Variants in GNAL observed in about 807,000 individuals in gnomAD.
The protein encoded by GNAL is guanine nucleotide-binding protein G(olf) subunit alpha.
Under a neutral mutation model 55.1 loss-of-function variants are expected in GNAL, and 18 were observed. That is an observed-to-expected ratio of 0.33 (90% CI 0.23 to 0.48). The LOEUF is 0.48. Ranked by LOEUF, GNAL falls within the 20% of genes least tolerant of loss-of-function variation. The pLI is 0.99. For missense variants in GNAL, 412 were observed against 614.1 expected (o/e 0.67, Z 3.48); for synonymous variants, 253 against 237.0 (o/e 1.07, Z -0.62).
intron 1 of GNAL, among the ~76,000 whole-genome samples, chr18:11,748,594 T>G (rs1211905242): frequency 2.6e-5 from 4 of 152,220 alleles, no homozygotes; most frequent in Non-Finnish European, 1.5e-5. Flanking sequence ...TAACACTGAT[T>G]GCTAAATCTG....
chr18:11,791,607 AAC>A (rs1258594430), intron 4 of GNAL, among the ~76,000 whole-genome samples: 4 of 152,220 alleles, frequency 2.6e-5, no homozygotes, highest in East Asian at 3.8e-4. Flanking sequence ...TCAGATAGTA[AAC>A]ACACACAAAA....
At chr18:11,700,568 A>G (rs571230409) in intron 1 of GNAL, among the ~76,000 whole-genome samples, 2 of 152,350 alleles carry the variant, frequency 1.3e-5, no homozygotes, top group South Asian at 4.1e-4. Context: ...AAAATCTTCA[A>G]GGGTTAGACA....
chr18:11,752,621 C>T lies in GNAL; in HGVS notation c.377-232C>T. ...GCGGCGGCTCCCGGCCCCAGCGGAG[C>T]GCACAGCCAGGAGCGGCGAGCGCCA... On this transcript the variant is annotated intron_variant, in intron 1 of 11. Coordinates refer to ENST00000334049, the MANE Select transcript of GNAL (RefSeq NM_182978.4). The surrounding 1 kb of genome is among the most constrained non-coding windows in gnomAD (Gnocchi z 4.5). 2 of 1,544,964 alleles carry T rather than the reference C, an allele frequency of 1.3e-6. No homozygotes were observed. Among genetic ancestry groups the T allele is most frequent in the Non-Finnish European group, 8.7e-7 (1 of 1,154,488 alleles).
chr18:11,740,218 C>T (rs928518171), intron 1 of GNAL, among the ~76,000 whole-genome samples: 1 of 152,058 alleles, frequency 6.6e-6, no homozygotes, highest in African/African-American at 2.4e-5. Flanking sequence ...CAAATGAGAG[C>T]CCCTTCAATC....
chr18:11,774,445 C>T lies in GNAL; in HGVS notation c.624+20500C>T, dbSNP rs941132742. 2.0e-5 allele frequency among the ~76,000 whole-genome samples: 3 copies of T among 152,186 alleles called. No individual in the cohort carries two copies. The East Asian group carries it at 5.8e-4, about 29-fold the overall frequency. On this transcript the variant is annotated intron_variant, in intron 4 of 11. Transcript: ENST00000334049. ...TGCATGAGCGCCCATCTAAAAGAGC[C>T]ACCTACGCCTTGGTTTTCCTCTTTT...
intron 11 of GNAL, among the ~76,000 whole-genome samples, 159 bp from the exon 12 acceptor site, chr18:11,880,830 G>A (rs931725931): frequency 2.4e-4 from 37 of 152,082 alleles, no homozygotes; most frequent in Admixed American, 1.3e-3. Context: ...GTCCTCGGCC[G>A]ATGCTTGCAT....
intron 4 of GNAL, among the ~76,000 whole-genome samples, chr18:11,781,970 A>C (rs2033933656): frequency 6.6e-6 from 1 of 152,244 alleles, no homozygotes. Context: ...ATGGCCACTA[A>C]CAAGACAATG....
At chr18:11,762,080 GCCTGACAGC>G (rs948726802) in intron 4 of GNAL, among the ~76,000 whole-genome samples, 3 of 152,194 alleles carry the variant, frequency 2.0e-5, no homozygotes, top group African/African-American at 7.2e-5. Context: ...GGACCATTTG[GCCTGACAGC>G]CCCAGCTGAG....
At chr18:11,791,729 C>CT in intron 4 of GNAL, among the ~76,000 whole-genome samples, 1 of 152,294 alleles carries the variant, frequency 6.6e-6, no homozygotes, top group South Asian at 2.1e-4. Flanking sequence ...AGACAGATAT[C>CT]TATCAAGTTT....
At chr18:11,851,411 A>G in intron 5 of GNAL, 1 of 1,368,532 alleles carries the variant, frequency 7.3e-7, no homozygotes, top group Non-Finnish European at 9.6e-7. Context: ...AGGAAGTGGG[A>G]CCAAAACAAA....
Position 11,872,082 on chromosome 18 carries a change from A to G in GNAL, c.1032-186A>G, listed in dbSNP as rs530770970. ...TGTGTTTTTGGATTAGGGATGCTCA[A>G]CCTGTACCTATATTTGTTTATCATT... On this transcript the variant is annotated intron_variant, in intron 9 of 11. Transcript: ENST00000334049. 7.2e-4 allele frequency among the ~76,000 whole-genome samples: 109 copies of G among 152,338 alleles called. 1 individual carries two copies. The highest frequency in any genetic ancestry group is 2.3e-3 in the African/African-American group (96 of 41,582).
In GNAL at chr18:11,775,042, C is replaced by T. The variant is rs372589699; in HGVS notation, c.624+21097C>T. ...CGGCAGAGCCTGAGTGGCCATCGCT[C>T]GGCTCAGCCCAGTGCGAGGCAGAGA... On this transcript the variant is annotated intron_variant, in intron 4 of 11. Transcript: ENST00000334049. Among the ~76,000 whole-genome samples, 7 of 152,186 alleles carry T rather than the reference C, an allele frequency of 4.6e-5. No individual in the cohort carries two copies. The East Asian group carries it at 5.8e-4, about 13-fold the overall frequency.
chr18:11,775,463 G>A (rs554864526), intron 4 of GNAL, among the ~76,000 whole-genome samples: 296 of 152,344 alleles, frequency 1.9e-3, no homozygotes, highest in Admixed American at 4.7e-3. Flanking sequence ...GTCCCCTGAC[G>A]GGGTAGATAC....
chr18:11,700,886 C>T (rs933210533), intron 1 of GNAL, among the ~76,000 whole-genome samples: 7 of 152,182 alleles, frequency 4.6e-5, no homozygotes, highest in South Asian at 2.1e-4. Context: ...AAAAATAAGG[C>T]GCAATGATAC....
chr18:11,876,776 A>C, intron 11 of GNAL, 88 bp downstream of exon 11: 43 of 800,332 alleles, frequency 5.4e-5, no homozygotes, highest in Non-Finnish European at 6.6e-5. Flanking sequence ...TGATGATCTC[A>C]TTTAATCTTC....
chr18:11,861,241 C>T (rs2036128706), intron 5 of GNAL, among the ~76,000 whole-genome samples: 1 of 152,156 alleles, frequency 6.6e-6, no homozygotes, highest in Admixed American at 6.5e-5. Context: ...CTGGGCCCCC[C>T]CGACCCCTCC....
At chr18:11,701,896 A>G (rs1016998754) in intron 1 of GNAL, among the ~76,000 whole-genome samples, 4 of 152,202 alleles carry the variant, frequency 2.6e-5, no homozygotes, top group African/African-American at 7.2e-5. Flanking sequence ...AGATTGCACC[A>G]TGATGGGAAG....
intron 1 of GNAL, among the ~76,000 whole-genome samples, chr18:11,690,566 G>C (rs1417771139): frequency 6.7e-6 from 1 of 149,388 alleles, no homozygotes; most frequent in Non-Finnish European, 1.5e-5. Flanking sequence ...CCATTAACTC[G>C]TCATTTAGCA....
chr18:11,752,869 GA>G lies in GNAL; in HGVS notation c.397del (p.Ser133AlafsTer7). ...TGTTTGCAGGGGCTGGTGAGTCTGG[GA>G]AAAGCACTATCGTCAAACAGATGAG... The part of the protein sequence containing the change: ...LLLLGAGESG[K>X]STIVKQMRIL... On this transcript the variant is annotated frameshift_variant, in exon 2 of 12. Coordinates refer to ENST00000334049, the MANE Select transcript of GNAL (RefSeq NM_182978.4). LOFTEE classifies it high-confidence loss of function. This position sits in a 1 kb window ranked among gnomAD's most constrained non-coding sequence, Gnocchi z 4.5. 2 of 1,609,078 alleles carry G rather than the reference GA, an allele frequency of 1.2e-6. No individual in the cohort carries two copies. Among genetic ancestry groups the G allele is most frequent in the Non-Finnish European group, 1.7e-6 (2 of 1,175,462 alleles).
Sources: gnomAD v4.1 joint callset for allele counts (sites outside exome capture counted in the v4.1 genomes callset) on GRCh38, gnomAD v4.1.1 for gene constraint, Gnocchi (gnomAD v3.1) non-coding constraint, MANE v1.5 for transcripts, NCBI Gene and HGNC (gene_info 2026-07-23, HGNC 2026-07-21) for gene names.